ZNF274: variants seen among roughly 807,000 people sequenced by gnomAD.
The protein encoded by ZNF274 is zinc finger protein 274, also known as neurotrophin receptor-interacting factor homolog.
ZNF274 carries 23 observed loss-of-function variants against 42.5 expected under a neutral mutation model. The observed-to-expected ratio is 0.54, with a 90% CI of 0.39 to 0.77. ZNF274 has a LOEUF of 0.77. Ranked by LOEUF, ZNF274 falls within the 30% of genes least tolerant of loss-of-function variation. The pLI is 0.00. For synonymous variants in ZNF274, 292 were observed against 305.4 expected, an observed-to-expected ratio of 0.96 and a Z score of 0.46; for missense variants, 679 against 806.5, an observed-to-expected ratio of 0.84 and a Z score of 1.91.
intron 4 of ZNF274, among the ~76,000 whole-genome samples, chr19:58,204,538 CTG>C (rs1186822059): frequency 2.6e-5 from 4 of 152,090 alleles, no homozygotes; most frequent in African/African-American, 9.7e-5. Context: ...GAGGAGGGGT[CTG>C]TGCAGGCGGC....
At chr19:58,192,719 A>G (rs756241873) in intron 4 of ZNF274, among the ~76,000 whole-genome samples, 2 of 152,176 alleles carry the variant, frequency 1.3e-5, no homozygotes, top group African/African-American at 4.8e-5. Context: ...AAGTTTGCAC[A>G]TGTTCAGTAC....
chr19:58,196,156 T>A (rs1046442483), intron 4 of ZNF274, among the ~76,000 whole-genome samples: 1 of 152,220 alleles, frequency 6.6e-6, no homozygotes, highest in Non-Finnish European at 1.5e-5. Flanking sequence ...ATACTTGAGA[T>A]GTAAACTATT....
chr19:58,212,021 A>C lies in ZNF274; in HGVS notation c.980-140A>C. On this transcript the variant is annotated intron_variant, in intron 7 of 7. Transcript: ENST00000617501. The surrounding 1 kb of genome is among the most constrained non-coding windows in gnomAD (Gnocchi z 4.6). ...CCTCCCTGCCGCTTCATTGCTTTTC[A>C]GTCTCTCTCCAGGTTGCATGACTCT... 9.7e-7 allele frequency: 1 copy of C among 1,033,646 alleles called. No homozygotes were observed. Among genetic ancestry groups the C allele is most frequent in the Admixed American group, 2.7e-5 (1 of 36,976 alleles). 64.0% of individuals were successfully genotyped at this position (1,033,646 alleles called of 1,614,324 possible).
rs2041697949 is a variant in ZNF274, at chr19:58,206,790, G to A, written c.327G>A (p.Glu109=). The part of the protein sequence containing the change: ...LPAESPLMNI[E]VVEVLTLNQE... ...CTGAGAGTCCCCTAATGAACATTGA[G>A]GTTGTTGAGGTCCTCACACTGAACC... Residue 109 remains glutamate (E), a synonymous_variant, in exon 5 of 8, where the codon GAG becomes GAA. Coordinates refer to ENST00000617501, the MANE Select transcript of ZNF274 (RefSeq NM_133502.3). 6.2e-7 allele frequency: 1 copy of A among 1,613,532 alleles called. No homozygotes were observed. Among genetic ancestry groups the A allele is most frequent in the African/African-American group, 1.3e-5 (1 of 74,900 alleles).
intron 4 of ZNF274, among the ~76,000 whole-genome samples, chr19:58,187,504 C>T (rs575974491): frequency 2.0e-4 from 30 of 152,256 alleles, no homozygotes; most frequent in African/African-American, 7.2e-4. Flanking sequence ...TCACTGCACC[C>T]TCCGCGTCCT....
intron 4 of ZNF274, among the ~76,000 whole-genome samples, chr19:58,199,093 CGGT>C (rs1302718009): frequency 6.6e-6 from 1 of 151,984 alleles, no homozygotes; most frequent in Non-Finnish European, 1.5e-5. Flanking sequence ...TGGCTGGGCA[CGGT>C]GGCTCAGTCC....
In ZNF274 at chr19:58,185,792, G is replaced by T. The variant is rs200403733; in HGVS notation, c.114G>T (p.Leu38=). ...TGCTGGACCTCAAACAGAAGTCCCTGTACAGGGAAGTGATGCTGGAGAACT... is the reference window on the plus strand; with the variant it reads ...TGCTGGACCTCAAACAGAAGTCCCTTTACAGGGAAGTGATGCTGGAGAACT... ...WGLLDLKQKS[L]YREVMLENYR... Residue 38 remains leucine, a synonymous_variant, in exon 3 of 8, where the codon CTG becomes CTT. Transcript: ENST00000617501. 4.0e-5 allele frequency: 58 copies of T among 1,438,072 alleles called. No individual in the cohort carries two copies. Among genetic ancestry groups the T allele is most frequent in the Non-Finnish European group, 5.2e-5 (56 of 1,086,292 alleles). The allele number at this position is 1,438,072 out of a possible 1,614,324, so 89.1% of individuals were successfully genotyped here.
At chr19:58,187,445 A>T (rs1414177688) in intron 4 of ZNF274, among the ~76,000 whole-genome samples, 2 of 152,102 alleles carry the variant, frequency 1.3e-5, no homozygotes, top group African/African-American at 4.8e-5. Flanking sequence ...TTTGTTTTGG[A>T]GACAGGGTCT....
intron 2 of ZNF274, among the ~76,000 whole-genome samples, chr19:58,185,047 G>T (rs1332910991): frequency 2.0e-5 from 3 of 151,488 alleles, no homozygotes; most frequent in Admixed American, 1.3e-4. Flanking sequence ...GTGAACCGGG[G>T]AGGCGGAGCT....
chr19:58,190,468 T>C (rs2075767015), intron 4 of ZNF274, among the ~76,000 whole-genome samples: 1 of 152,216 alleles, frequency 6.6e-6, no homozygotes, highest in South Asian at 2.1e-4. Context: ...AGCTTAATGC[T>C]AGATTCTGCT....
At chr19:58,198,383 A>G (rs1022251578) in intron 4 of ZNF274, among the ~76,000 whole-genome samples, 1 of 152,216 alleles carries the variant, frequency 6.6e-6, no homozygotes, top group African/African-American at 2.4e-5. Context: ...AGTATATGAC[A>G]TTTTAATATA....
Position 58,211,623 on chromosome 19 carries a change from C to T in ZNF274, c.916C>T (p.Pro306Ser), listed in dbSNP as rs1287076695. The T allele has an allele frequency of 6.8e-6, 11 of 1,613,692 alleles. No individual in the cohort carries two copies. Among genetic ancestry groups the T allele is most frequent in the Non-Finnish European group, 8.5e-6 (10 of 1,179,832 alleles). ...FSREEWGLLG[P>S]TQRTEYRDVM... ...CCGGGAGGAGTGGGGGCTGCTGGGC[C>T]CGACACAGAGGACCGAGTACCGCGA... The change falls in exon 7 of 8, where the codon CCG becomes TCG. Residue 306 changes from proline to serine, a missense_variant. This residue lies in a region of ZNF274 where 456 missense variants were observed against 590.1 expected (regional missense o/e 0.77). Coordinates refer to ENST00000617501, the MANE Select transcript of ZNF274 (RefSeq NM_133502.3). The surrounding 1 kb of genome is among the most constrained non-coding windows in gnomAD (Gnocchi z 4.8).
Position 58,206,905 on chromosome 19 carries a change from C to T in ZNF274, c.442C>T (p.Gln148Ter). The T allele has an allele frequency of 6.2e-7, 1 of 1,613,252 alleles. No individual in the cohort carries two copies. Among genetic ancestry groups the T allele is most frequent in the Non-Finnish European group, 8.5e-7 (1 of 1,179,550 alleles). Residue 148 changes from glutamine to a stop codon, truncating the protein, a stop_gained, in exon 5 of 8, where the codon CAA becomes TAA. Coordinates refer to ENST00000617501, the MANE Select transcript of ZNF274 (RefSeq NM_133502.3). LOFTEE classifies it high-confidence loss of function. ...TGCAGATGCCCCCAGTGAGCAGGTC[C>T]AACAGCAGGGCAAGCATCCAGGTGA... is the stretch of plus-strand genomic sequence containing the variant. ...LSADAPSEQV[Q>*]QQGKHPGDPE...
intron 4 of ZNF274, among the ~76,000 whole-genome samples, chr19:58,201,766 C>T (rs183329764): frequency 1.3e-4 from 20 of 152,216 alleles, no homozygotes; most frequent in African/African-American, 4.3e-4. Flanking sequence ...CTGCCCACCT[C>T]GGCCTCCCAA....
chr19:58,187,868 G>C (rs960485900), intron 4 of ZNF274, among the ~76,000 whole-genome samples: 1 of 152,156 alleles, frequency 6.6e-6, no homozygotes, highest in Non-Finnish European at 1.5e-5. Context: ...TGGGATTACA[G>C]GTGTGCACCA....
intron 5 of ZNF274, chr19:58,209,690 A>C: frequency 1.4e-5 from 4 of 284,402 alleles, no homozygotes; most frequent in African/African-American, 4.4e-5. Context: ...CGGAAAGGGA[A>C]GGAGTGGGAC....
chr19:58,190,143 A>G (rs868032024), intron 4 of ZNF274, among the ~76,000 whole-genome samples: 1 of 145,924 alleles, frequency 6.9e-6, no homozygotes, highest in South Asian at 2.2e-4. Flanking sequence ...AAAAAAATTT[A>G]TCTCTCTCTT....
intron 4 of ZNF274, among the ~76,000 whole-genome samples, chr19:58,196,289 G>A (rs965633690): frequency 9.2e-5 from 14 of 152,198 alleles, no homozygotes; most frequent in African/African-American, 2.7e-4. Flanking sequence ...GGCCAGGCAC[G>A]GCGGCTCATG....
At chr19:58,209,165 A>G (rs113329443) in intron 5 of ZNF274, 1 of 152,440 alleles carries the variant, frequency 6.6e-6, no homozygotes, top group Non-Finnish European at 1.5e-5. Context: ...CACTGGCTTC[A>G]TCATGGGCAG....
Sources: gnomAD v4.1 joint callset for allele counts (sites outside exome capture counted in the v4.1 genomes callset) on GRCh38, gnomAD v4.1.1 for gene constraint, gnomAD v4.1.1 regional missense constraint, Gnocchi (gnomAD v3.1) non-coding constraint, MANE v1.5 for transcripts, NCBI Gene and HGNC (gene_info 2026-07-23, HGNC 2026-07-21) for gene names.